Variants in KCNAB1 observed in about 807,000 individuals in gnomAD.
KCNAB1 encodes the protein potassium voltage-gated channel subfamily A regulatory beta subunit 1.
In KCNAB1, 35 loss-of-function variants were observed where a neutral mutation model predicts 64.6. The observed-to-expected ratio is 0.54, with a 90% CI of 0.41 to 0.72. The LOEUF is 0.72. KCNAB1 is among the 30% of genes least tolerant of loss of function. The pLI is 0.00. For synonymous variants in KCNAB1, 177 were observed against 183.8 expected, an observed-to-expected ratio of 0.96 and a Z score of 0.30; for missense variants, 401 against 512.9, an observed-to-expected ratio of 0.78 and a Z score of 2.11.
chr3:156,421,659 G>A lies in KCNAB1; in HGVS notation c.319G>A (p.Gly107Arg). ...SGLRVSCLGLGTWVTFGGQIS... is the reference protein window; with the variant it reads ...SGLRVSCLGLRTWVTFGGQIS... The stretch of plus-strand genomic sequence containing the variant: ...ACTCAGAGTTTCTTGCTTGGGTCTT[G>A]GTAAGTACTGAGGGTGTGACCTGGG... Residue 107 changes from glycine to arginine, a missense_variant and splice_region_variant, in exon 2 of 14, where the codon GGA becomes AGA. Gly to Arg is a moderately radical substitution (Grantham distance 125, BLOSUM62 -2). Coordinates refer to ENST00000490337, the MANE Select transcript of KCNAB1 (RefSeq NM_172160.3). 1 of 1,613,894 alleles carries A rather than the reference G, an allele frequency of 6.2e-7. No individual in the cohort carries two copies. The highest frequency in any genetic ancestry group is 8.5e-7 in the Non-Finnish European group (1 of 1,179,832).
chr3:156,460,025 G>A (rs1163563721), intron 5 of KCNAB1, among the ~76,000 whole-genome samples, 154 bp downstream of exon 5: 4 of 152,082 alleles, frequency 2.6e-5, no homozygotes, highest in African/African-American at 7.2e-5. Context: ...AATAAATGCC[G>A]GCAAGTTCAC....
intron 1 of KCNAB1, among the ~76,000 whole-genome samples, chr3:156,207,385 T>C (rs949630658): frequency 6.6e-6 from 1 of 152,230 alleles, no homozygotes; most frequent in Non-Finnish European, 1.5e-5. Context: ...GCCTACTCTT[T>C]ATGACTCTGT....
intron 1 of KCNAB1, among the ~76,000 whole-genome samples, chr3:156,249,543 CAG>C (rs1717686719): frequency 1.4e-5 from 2 of 143,438 alleles, no homozygotes; most frequent in African/African-American, 5.3e-5. Context: ...GCCTGGGTGA[CAG>C]AGCAAGACTC....
At chr3:156,481,689 C>T (rs1231479700) in intron 8 of KCNAB1, among the ~76,000 whole-genome samples, 1 of 152,090 alleles carries the variant, frequency 6.6e-6, no homozygotes, top group Non-Finnish European at 1.5e-5. Context: ...AGTGGACCTC[C>T]TCATTGGAAC....
intron 2 of KCNAB1, among the ~76,000 whole-genome samples, chr3:156,427,147 T>C (rs1436265842): frequency 1.3e-5 from 2 of 151,958 alleles, no homozygotes; most frequent in Non-Finnish European, 2.9e-5. Flanking sequence ...GACTCCTGGA[T>C]TGGGCATGGG....
At chr3:156,299,360 T>G (rs559996198) in intron 1 of KCNAB1, among the ~76,000 whole-genome samples, 135 of 152,360 alleles carry the variant, frequency 8.9e-4, no homozygotes, top group African/African-American at 3.1e-3. Context: ...TGTAGAGCCA[T>G]GAGGACCCCA....
chr3:156,216,942 G>T (rs577770796), intron 1 of KCNAB1: 11 of 152,146 alleles, frequency 7.2e-5, no homozygotes, highest in Non-Finnish European at 1.5e-4. Flanking sequence ...TGACCTGGAG[G>T]AACAAATGCT....
At chr3:156,534,356 A>C (rs1470769560) in intron 13 of KCNAB1, among the ~76,000 whole-genome samples, 1 of 152,170 alleles carries the variant, frequency 6.6e-6, no homozygotes, top group Admixed American at 6.5e-5. Flanking sequence ...GAGAGACAGG[A>C]GGAGAAACCA....
intron 1 of KCNAB1, among the ~76,000 whole-genome samples, chr3:156,255,606 G>C (rs1718059041): frequency 6.6e-6 from 1 of 152,144 alleles, no homozygotes; most frequent in African/African-American, 2.4e-5. Flanking sequence ...CATTTGCCCA[G>C]TACTTCATGT....
chr3:156,525,128 T>G (rs1718224148), intron 12 of KCNAB1, among the ~76,000 whole-genome samples: 1 of 152,198 alleles, frequency 6.6e-6, no homozygotes, highest in African/African-American at 2.4e-5. Flanking sequence ...ATCTTTACTT[T>G]AGAGTGTTAC....
rs1385798695 is a variant in KCNAB1 at position 156,446,419 on chromosome 3, A to G, written c.320-6480A>G. On this transcript the variant is annotated intron_variant, in intron 2 of 13. Coordinates refer to ENST00000490337, the MANE Select transcript of KCNAB1 (RefSeq NM_172160.3). ...GTATTGCTTAATTTCAATGTGACCT[A>G]GGGTTTGAACCTCTTATCTTAAATT... Among the ~76,000 whole-genome samples the G allele has an allele frequency of 3.9e-5, 6 of 152,318 alleles. No individual in the cohort carries two copies. The East Asian group carries it at 9.6e-4, about 24-fold the overall frequency.
At chr3:156,143,569 G>GTTGTTTT (rs1443482013) in intron 1 of KCNAB1, 1 of 281,596 alleles carries the variant, frequency 3.6e-6, no homozygotes, top group African/African-American at 2.9e-5. Flanking sequence ...TTGCATTCTT[G>GTTGTTTT]TTTTTTTTTT....
intron 1 of KCNAB1, among the ~76,000 whole-genome samples, chr3:156,344,710 A>T (rs547105365): frequency 7.9e-5 from 12 of 152,344 alleles, no homozygotes; most frequent in African/African-American, 2.4e-4. Flanking sequence ...TTTGAGAAAC[A>T]CTAGCGAAGA....
chr3:156,218,739 C>G, intron 1 of KCNAB1, among the ~76,000 whole-genome samples: 1 of 145,410 alleles, frequency 6.9e-6, no homozygotes, highest in East Asian at 2.0e-4. Flanking sequence ...CTCCGCAGTA[C>G]CAGCCTGGAG....
At chr3:156,444,161 C>G (rs1160367950) in intron 2 of KCNAB1, among the ~76,000 whole-genome samples, 2 of 152,170 alleles carry the variant, frequency 1.3e-5, no homozygotes, top group African/African-American at 4.8e-5. Context: ...AGGAAGAATG[C>G]TTTGTGTGCG....
chr3:156,180,559 C>T (rs573684168), intron 1 of KCNAB1, among the ~76,000 whole-genome samples: 5 of 152,172 alleles, frequency 3.3e-5, no homozygotes, highest in Non-Finnish European at 5.9e-5. Flanking sequence ...TTACAATGAT[C>T]CATTTTCTAC....
intron 1 of KCNAB1, among the ~76,000 whole-genome samples, chr3:156,249,240 C>T (rs1386828859): frequency 6.6e-6 from 1 of 151,874 alleles, no homozygotes; most frequent in Admixed American, 6.6e-5. Flanking sequence ...AGTAGCTGAC[C>T]ATGAAAATAT....
chr3:156,419,981 T>C (rs1715359658), intron 1 of KCNAB1, among the ~76,000 whole-genome samples: 1 of 152,242 alleles, frequency 6.6e-6, no homozygotes, highest in Non-Finnish European at 1.5e-5. Context: ...CAATTTCTTA[T>C]AAAAATTATG....
At position 156,285,690 on chromosome 3, in the gene KCNAB1, A is replaced by T. The variant is rs539933044; in HGVS notation, c.276-135926A>T. Among the ~76,000 whole-genome samples the T allele has an allele frequency of 5.9e-5, 9 of 152,240 alleles. No homozygotes were observed. The East Asian group carries it at 1.7e-3, about 29-fold the overall frequency. On this transcript the variant is annotated intron_variant, in intron 1 of 13. Coordinates refer to ENST00000490337, the MANE Select transcript of KCNAB1 (RefSeq NM_172160.3). ...TAATTTTTTGTATTTTTTGATAGAG[A>T]CAGGGTTTCACCATGTTGCCCAGGC...
Sources: allele counts gnomAD v4.1 joint callset (sites outside exome capture counted in the v4.1 genomes callset), GRCh38; gene constraint gnomAD v4.1.1; transcripts MANE v1.5; gene names NCBI Gene and HGNC (gene_info 2026-07-23, HGNC 2026-07-21).